Variants in SARDH observed in about 807,000 individuals in gnomAD.
The protein encoded by SARDH is sarcosine dehydrogenase.
SARDH carries 95 observed loss-of-function variants against 109.1 expected under a neutral mutation model. The observed-to-expected ratio is 0.87, with a 90% confidence interval of 0.74 to 1.03. The LOEUF (loss-of-function observed/expected upper bound fraction) is 1.03. SARDH is among the 50% of genes least tolerant of loss of function. The probability of loss-of-function intolerance (pLI) is 0.00; values close to 1 mark genes in which losing one functional copy is unlikely to be tolerated. For missense variants in SARDH, 1,267 were observed against 1,287.8 expected (o/e 0.98, Z 0.25); for synonymous variants, 572 against 534.8 (o/e 1.07, Z -0.96).
chr9:133,733,162 A>G (rs3780802), intron 2 of SARDH, among the ~76,000 whole-genome samples: 2,577 of 152,312 alleles, frequency 0.017, 61 homozygotes, highest in East Asian at 0.086. Flanking sequence ...GAGTTGGAGC[A>G]GTGGCTTGTG....
chr9:133,702,291 G>A (rs762456024), intron 13 of SARDH, among the ~76,000 whole-genome samples: 1 of 152,200 alleles, frequency 6.6e-6, no homozygotes, highest in Non-Finnish European at 1.5e-5. Flanking sequence ...AGACCCCCAA[G>A]ACTCCTCACC....
At chr9:133,688,108 T>C (rs1327597756) in intron 16 of SARDH, among the ~76,000 whole-genome samples, 1 of 152,178 alleles carries the variant, frequency 6.6e-6, no homozygotes, top group Non-Finnish European at 1.5e-5. Flanking sequence ...GGCGTGGCAA[T>C]GAAGCCAGAG....
chr9:133,673,746 G>T (rs948103050), intron 17 of SARDH, among the ~76,000 whole-genome samples: 2 of 152,228 alleles, frequency 1.3e-5, no homozygotes. Context: ...GATAGCCTAT[G>T]GAGGAGCTCG....
chr9:133,721,245 A>G (rs7040170), intron 6 of SARDH, among the ~76,000 whole-genome samples: 31,944 of 152,226 alleles, frequency 0.21, 3,545 homozygotes, highest in Middle Eastern at 0.25. Context: ...ACATCACAAC[A>G]CCGGATGGCC....
At chr9:133,691,966 A>G (rs1260610127) in intron 15 of SARDH, among the ~76,000 whole-genome samples, 1 of 152,072 alleles carries the variant, frequency 6.6e-6, no homozygotes, top group African/African-American at 2.4e-5. Flanking sequence ...AGCTCTAGGA[A>G]TCCACCAGAA....
chr9:133,731,797 CAAAG>C (rs548760352), intron 3 of SARDH, among the ~76,000 whole-genome samples: 31 of 152,312 alleles, frequency 2.0e-4, no homozygotes, highest in African/African-American at 7.2e-4. Flanking sequence ...ATGTCATTGA[CAAAG>C]AACTTAGACC....
intron 17 of SARDH, among the ~76,000 whole-genome samples, chr9:133,674,358 C>T (rs943571531): frequency 3.3e-5 from 5 of 152,192 alleles, no homozygotes; most frequent in East Asian, 1.9e-4. Context: ...CACATGGTCC[C>T]GGCACGTCGT....
chr9:133,707,012 C>G (rs966776170), intron 11 of SARDH, among the ~76,000 whole-genome samples: 1 of 152,194 alleles, frequency 6.6e-6, no homozygotes, highest in African/African-American at 2.4e-5. Flanking sequence ...ATGGGGACAT[C>G]CCATGGGCCA....
intron 8 of SARDH, 39 bp downstream of exon 8, chr9:133,717,287 C>T: frequency 1.2e-6 from 2 of 1,610,624 alleles, no homozygotes; most frequent in Non-Finnish European, 1.7e-6. Flanking sequence ...GACCAAAGGA[C>T]CCATGGACGC....
chr9:133,690,230 A>G (rs1245845110), intron 16 of SARDH, 150 bp downstream of exon 16: 2 of 819,996 alleles, frequency 2.4e-6, no homozygotes, highest in Non-Finnish European at 3.7e-6. Flanking sequence ...CTTTGAAGAT[A>G]TTTATTCAGA....
rs997587078 is a variant in SARDH, at chr9:133,709,776, G to A, written c.1329-1348C>T. 3.9e-5 allele frequency among the ~76,000 whole-genome samples: 6 copies of A among 152,156 alleles called. No homozygotes were observed. The highest frequency in any genetic ancestry group is 1.4e-4 in the African/African-American group (6 of 41,430). On this transcript the variant is annotated intron_variant, in intron 10 of 20. Coordinates refer to ENST00000439388, the MANE Select transcript of SARDH (RefSeq NM_001134707.2). The surrounding 1 kb of genome is among the most constrained non-coding windows in gnomAD (Gnocchi z 4.2). Reference sequence around the variant, plus strand: ...TTGTCCCCAGAGCTGCCTTCTGCATGGGACCCAAGATTAACTCTTTCACGC... The same window carrying A: ...TTGTCCCCAGAGCTGCCTTCTGCATAGGACCCAAGATTAACTCTTTCACGC...
rs980230656 is a variant in SARDH at position 133,728,007 on chromosome 9, C to T, written c.915+1758G>A. Among the ~76,000 whole-genome samples, 2 of 152,122 alleles carry T rather than the reference C, an allele frequency of 1.3e-5. No homozygotes were observed. Among genetic ancestry groups the T allele is most frequent in the African/African-American group, 4.8e-5 (2 of 41,424 alleles). The stretch of plus-strand genomic sequence containing the variant: ...GAACCCACTGAGACCTGAGCGTGAC[C>T]CCTGGCGGCCACCTAGGGGAGGAGG... On this transcript the variant is annotated intron_variant, in intron 6 of 20. Transcript: ENST00000439388. The surrounding 1 kb of genome is among the most constrained non-coding windows in gnomAD (Gnocchi z 5.0).
At chr9:133,668,426 TC>T (rs1379940234) in intron 19 of SARDH, among the ~76,000 whole-genome samples, 2 of 21,724 alleles carry the variant, frequency 9.2e-5, no homozygotes, top group African/African-American at 1.9e-4. Flanking sequence ...CCCTCTCCCT[TC>T]ACCCTCCCTC....
intron 7 of SARDH, among the ~76,000 whole-genome samples, chr9:133,717,949 G>A (rs1832188919): frequency 6.6e-6 from 1 of 152,182 alleles, no homozygotes; most frequent in South Asian, 2.1e-4. Flanking sequence ...TCCCCTCCCT[G>A]AAAAACCCTG....
intron 20 of SARDH, among the ~76,000 whole-genome samples, chr9:133,664,585 T>C (rs1004029792): frequency 6.6e-6 from 1 of 152,122 alleles, no homozygotes; most frequent in African/African-American, 2.4e-5. Flanking sequence ...CTGGCACTTT[T>C]GCTGCAGCTG....
chr9:133,717,289 C>A, intron 8 of SARDH, 37 bp downstream of exon 8: 1 of 1,611,272 alleles, frequency 6.2e-7, no homozygotes, highest in South Asian at 1.1e-5. Context: ...CCAAAGGACC[C>A]ATGGACGCCC....
intron 6 of SARDH, among the ~76,000 whole-genome samples, chr9:133,722,585 A>C (rs1832359831): frequency 6.6e-6 from 1 of 152,156 alleles, no homozygotes; most frequent in Admixed American, 6.5e-5. Flanking sequence ...TCCTATTTGC[A>C]GATAACAAGG....
intron 19 of SARDH, chr9:133,667,258 C>T (rs1830109087): frequency 2.9e-6 from 1 of 346,008 alleles, no homozygotes; most frequent in Non-Finnish European, 5.2e-6. Flanking sequence ...CCTCCGCCTC[C>T]CAGGTTCAAA....
chr9:133,717,375 C>G lies in SARDH; in HGVS notation c.1101G>C (p.Arg367Ser). 2 of 1,614,174 alleles carry G rather than the reference C, an allele frequency of 1.2e-6. No individual in the cohort carries two copies. The highest frequency in any genetic ancestry group is 1.7e-6 in the Non-Finnish European group (2 of 1,180,020). Residue 367 changes from arginine (R) to serine (S), a missense_variant, in exon 8 of 21, where the codon AGG becomes AGC. Coordinates refer to ENST00000439388, the MANE Select transcript of SARDH (RefSeq NM_001134707.2). The part of the protein sequence containing the change: ...FTQHIEGAIN[R>S]VPVLEKTGIK... ...TTCCTGTCTTCTCCAGCACGGGGAC[C>G]CTGTTGATGGCGCCTTCAATGTGCT...
Sources: gnomAD v4.1 joint callset for allele counts (sites outside exome capture counted in the v4.1 genomes callset) on GRCh38, gnomAD v4.1.1 for gene constraint, Gnocchi (gnomAD v3.1) non-coding constraint, MANE v1.5 for transcripts, NCBI Gene and HGNC (gene_info 2026-07-23, HGNC 2026-07-21) for gene names.